Variants in KLK3 observed in about 807,000 individuals in gnomAD.
The protein encoded by KLK3 is prostate-specific antigen.
A neutral mutation model predicts 27.7 loss-of-function variants in KLK3; 23 were observed. That is an observed-to-expected ratio of 0.83 (90% CI 0.60 to 1.17). The LOEUF is 1.17. KLK3 is among the 50% of genes most tolerant of loss of function. The pLI, the probability that KLK3 is intolerant of heterozygous loss-of-function variation, is 0.00. For missense variants in KLK3, 322 were observed against 338.1 expected, an observed-to-expected ratio of 0.95 and a Z score of 0.37; for synonymous variants, 142 against 134.2, an observed-to-expected ratio of 1.06 and a Z score of -0.40.
chr19:50,859,918 C>G, intron 4 of KLK3, 54 bp from the exon 5 acceptor site: 1 of 1,557,020 alleles, frequency 6.4e-7, no homozygotes. Context: ...ATAGGATTGC[C>G]CAGGCAGAAA....
At position 50,860,441 on chromosome 19, in the gene KLK3, A is replaced by G. The variant is rs1040291281; in HGVS notation, c.*314A>G. The G allele has an allele frequency of 1.3e-5, 3 of 238,890 alleles. No individual in the cohort carries two copies. The highest frequency in any genetic ancestry group is 9.6e-5 in the South Asian group (1 of 10,462). 14.8% of individuals were successfully genotyped at this position (238,890 alleles called of 1,614,324 possible). ...AAAGAGGGGTGGGATCCACACTGAG[A>G]GAGTGGAGAGTGACATGTGCTGGAC... On this transcript the variant is annotated 3_prime_UTR_variant, in exon 5 of 5. Coordinates refer to ENST00000326003, the MANE Select transcript of KLK3 (RefSeq NM_001648.2).
chr19:50,856,283 G>A lies in KLK3; in HGVS notation c.90G>A (p.Glu30=), dbSNP rs547221078. Residue 30 remains glutamate, a synonymous_variant, in exon 2 of 5, where the codon GAG becomes GAA. Coordinates refer to ENST00000326003, the MANE Select transcript of KLK3 (RefSeq NM_001648.2). ...LILSRIVGGW[E]CEKHSQPWQV... is the part of the protein sequence containing the mutation. ...TGTCTCGGATTGTGGGAGGCTGGGA[G>A]TGCGAGAAGCATTCCCAACCCTGGC... 1.4e-5 allele frequency: 23 copies of A among 1,613,180 alleles called. No homozygotes were observed. In the East Asian group the frequency reaches 4.7e-4, roughly 33 times the overall value.
At chr19:50,857,252 C>G (rs754675684) in intron 2 of KLK3, 1 of 151,880 alleles carries the variant, frequency 6.6e-6, no homozygotes, top group Non-Finnish European at 1.5e-5. Flanking sequence ...ATGAGAGGGC[C>G]CCTCTCACTC....
At chr19:50,859,896 C>T (rs2090173833) in intron 4 of KLK3, 76 bp from the exon 5 acceptor site, 15 of 1,537,688 alleles carry the variant, frequency 9.8e-6, no homozygotes, top group Non-Finnish European at 1.2e-5. Flanking sequence ...TCTGCCTGTC[C>T]AGGTCTGAAA....
In KLK3 at chr19:50,860,708, C is replaced by G. The variant is rs1474603556; in HGVS notation, c.*581C>G. 6.6e-6 allele frequency: 1 copy of G among 152,142 alleles called. No homozygotes were observed. The highest frequency in any genetic ancestry group is 1.5e-5 in the Non-Finnish European group (1 of 68,052). 9.4% of individuals were successfully genotyped at this position (152,142 alleles called of 1,614,324 possible). A position where few individuals can be genotyped will look rare whatever the true frequency, so the allele number is the denominator to read the frequency against. On this transcript the variant is annotated 3_prime_UTR_variant, in exon 5 of 5. Coordinates refer to ENST00000326003, the MANE Select transcript of KLK3 (RefSeq NM_001648.2). ...GTGTATTGAAGTCCTCCAGACAACC[C>G]TCAGATTTGATGATTTCCTAGTAGA...
chr19:50,856,141 C>T (rs1019768847), intron 1 of KLK3, 99 bp from the exon 2 acceptor site: 55 of 1,055,868 alleles, frequency 5.2e-5, no homozygotes, highest in Non-Finnish European at 6.0e-5. Context: ...TCTCTGCCCC[C>T]GTGTCTTTTC....
In KLK3 at chr19:50,860,414, T is replaced by C; in HGVS notation, c.*287T>C. 1 of 284,216 alleles carries C rather than the reference T, an allele frequency of 3.5e-6. No individual in the cohort carries two copies. Among genetic ancestry groups the C allele is most frequent in the Non-Finnish European group, 6.6e-6 (1 of 150,708 alleles). 17.6% of individuals were successfully genotyped at this position (284,216 alleles called of 1,614,324 possible). A position where few individuals can be genotyped will look rare whatever the true frequency, so the allele number is the denominator to read the frequency against. ...CTGTGTTATTTGTGGGGTACAGAGA[T>C]GAAAGAGGGGTGGGATCCACACTGA... On this transcript the variant is annotated 3_prime_UTR_variant, in exon 5 of 5. Coordinates refer to ENST00000326003, the MANE Select transcript of KLK3 (RefSeq NM_001648.2).
At chr19:50,856,140 C>G in intron 1 of KLK3, 100 bp from the exon 2 acceptor site, 1 of 1,046,984 alleles carries the variant, frequency 9.6e-7, no homozygotes, top group Non-Finnish European at 1.4e-6. Flanking sequence ...TTCTCTGCCC[C>G]CGTGTCTTTT....
At chr19:50,857,885 T>G in intron 2 of KLK3, 144 bp from the exon 3 acceptor site, 1 of 779,460 alleles carries the variant, frequency 1.3e-6, no homozygotes, top group East Asian at 2.7e-5. Context: ...TTGTCTGTAT[T>G]TTTGGCCTGA....
At chr19:50,859,852 C>G (rs1419529834) in intron 4 of KLK3, 120 bp from the exon 5 acceptor site, 5 of 1,507,920 alleles carry the variant, frequency 3.3e-6, no homozygotes, top group African/African-American at 1.4e-5. Flanking sequence ...AGACATTTCT[C>G]TCTTCTTCCA....
Position 50,858,623 on chromosome 19 carries a change from G to A in KLK3, c.630+28G>A, listed in dbSNP as rs111901464. 3.3e-3 allele frequency: 5,294 copies of A among 1,613,474 alleles called. 12 individuals carry two copies. The highest frequency in any genetic ancestry group is 4.3e-3 in the Middle Eastern group (26 of 6,056). On this transcript the variant is annotated intron_variant, in intron 4 of 4. Transcript: ENST00000326003. ...GAGTCATCCCTACTCCCAAGATCTTGAGGGGAAAGGTGAGTGGGGACCTTA... is the reference window on the plus strand; with the variant it reads ...GAGTCATCCCTACTCCCAAGATCTTAAGGGGAAAGGTGAGTGGGGACCTTA...
In KLK3 at chr19:50,860,741, GAAA is replaced by G. The variant is rs1318487266; in HGVS notation, c.*615_*617del. ...TGATGATTTCCTAGTAGAACTCACA[GAAA>G]TAAAGAGCTGTTATACTGTGGTTTA... is the stretch of plus-strand genomic sequence containing the variant. On this transcript the variant is annotated 3_prime_UTR_variant, in exon 5 of 5. Transcript: ENST00000326003. 3 of 152,180 alleles carry G rather than the reference GAAA, an allele frequency of 2.0e-5. No individual in the cohort carries two copies. Among genetic ancestry groups the G allele is most frequent in the African/African-American group, 7.2e-5 (3 of 41,428 alleles). The allele number at this position is 152,180 out of a possible 1,614,324, so 9.4% of individuals were successfully genotyped here.
At chr19:50,855,420 C>T (rs1282448074) in intron 1 of KLK3, 2 of 175,566 alleles carry the variant, frequency 1.1e-5, no homozygotes, top group East Asian at 3.2e-4. Context: ...TTTTCCCATT[C>T]AGCTGTGAGT....
In KLK3 at chr19:50,856,373, C is replaced by T. The variant is rs763682700; in HGVS notation, c.180C>T (p.Val60=). The T allele has an allele frequency of 1.9e-5, 31 of 1,613,866 alleles. No homozygotes were observed. In the East Asian group the frequency reaches 6.2e-4, roughly 32 times the overall value. The change falls in exon 2 of 5, where the codon GTC becomes GTT. Residue 60 remains valine, a synonymous_variant. Transcript: ENST00000326003. ...CGGVLVHPQW[V]LTAAHCIRNK... ...GTGTTCTGGTGCACCCCCAGTGGGT[C>T]CTCACAGCTGCCCACTGCATCAGGA...
rs2090163856 is a variant in KLK3 at position 50,858,518 on chromosome 19, G to A, written c.553G>A (p.Ala185Thr). The change falls in exon 4 of 5, where the codon GCG becomes ACG. Residue 185 changes from alanine (A) to threonine (T), a missense_variant. Coordinates refer to ENST00000326003, the MANE Select transcript of KLK3 (RefSeq NM_001648.2). ...CCATGTTATTTCCAATGACGTGTGT[G>A]CGCAAGTTCACCCTCAGAAGGTGAC... is the stretch of plus-strand genomic sequence containing the variant. The part of the protein sequence containing the change: ...DLHVISNDVC[A>T]QVHPQKVTKF... 6.2e-7 allele frequency: 1 copy of A among 1,614,226 alleles called. No homozygotes were observed. Among genetic ancestry groups the A allele is most frequent in the South Asian group, 1.1e-5 (1 of 91,080 alleles).
intron 2 of KLK3, 193 bp downstream of exon 2, chr19:50,856,592 G>A (rs1217911115): frequency 5.1e-6 from 3 of 588,140 alleles, no homozygotes; most frequent in East Asian, 6.1e-5. Context: ...GTCTCCATCT[G>A]TGTTCCTCTA....
chr19:50,859,657 C>T (rs368022457), intron 4 of KLK3: 88 of 1,606,732 alleles, frequency 5.5e-5, no homozygotes, highest in Middle Eastern at 1.7e-4. Context: ...TGAGGAGCCA[C>T]GGGGACAGCA....
chr19:50,860,470 G>A lies in KLK3; in HGVS notation c.*343G>A. ...TGGAGAGTGACATGTGCTGGACACT[G>A]TCCATGAAGCACTGAGCAGAAGCTG... On this transcript the variant is annotated 3_prime_UTR_variant, in exon 5 of 5. Transcript: ENST00000326003. 5.3e-6 allele frequency: 1 copy of A among 188,730 alleles called. No homozygotes were observed. The highest frequency in any genetic ancestry group is 1.1e-5 in the Non-Finnish European group (1 of 91,752). 11.7% of individuals were successfully genotyped at this position (188,730 alleles called of 1,614,324 possible).
At chr19:50,856,989 C>T (rs951551711) in intron 2 of KLK3, among the ~76,000 whole-genome samples, 2 of 151,678 alleles carry the variant, frequency 1.3e-5, no homozygotes, top group Admixed American at 1.3e-4. Context: ...TGGTGAAACC[C>T]CATCTCTACT....
Sources: allele counts gnomAD v4.1 joint callset (sites outside exome capture counted in the v4.1 genomes callset), GRCh38; gene constraint gnomAD v4.1.1; transcripts MANE v1.5; gene names NCBI Gene and HGNC (gene_info 2026-07-23, HGNC 2026-07-21).